TRABD2B: variants seen among roughly 807,000 people sequenced by gnomAD.
TRABD2B encodes TraB domain containing 2B.
Under a neutral mutation model 40.1 loss-of-function variants are expected in TRABD2B, and 14 were observed. The observed-to-expected ratio is 0.35, with a 90% CI of 0.23 to 0.55. The LOEUF is 0.55. TRABD2B is among the 20% of genes least tolerant of loss of function. The probability of loss-of-function intolerance (pLI) is 0.90; values close to 1 mark genes in which losing one functional copy is unlikely to be tolerated. For missense variants in TRABD2B, 541 were observed against 648.6 expected (o/e 0.83, Z 1.80); for synonymous variants, 263 against 277.0 (o/e 0.95, Z 0.50).
intron 2 of TRABD2B, among the ~76,000 whole-genome samples, chr1:47,974,945 G>A (rs1645734391): frequency 6.6e-6 from 1 of 152,178 alleles, no homozygotes; most frequent in Non-Finnish European, 1.5e-5. Context: ...CTAATTGTAA[G>A]AAAAACATCA....
At chr1:47,839,342 C>G (rs1645363172) in intron 2 of TRABD2B, among the ~76,000 whole-genome samples, 2 of 152,096 alleles carry the variant, frequency 1.3e-5, no homozygotes, top group Non-Finnish European at 2.9e-5. Flanking sequence ...GTGCTAGGAG[C>G]CTGCCCCCTC....
chr1:47,801,442 A>G (rs1644821528), intron 3 of TRABD2B, 31 bp downstream of exon 3: 1 of 1,529,326 alleles, frequency 6.5e-7, no homozygotes, highest in African/African-American at 1.4e-5. Flanking sequence ...AATAAATGCC[A>G]GGTATCCAGG....
At position 47,985,981 on chromosome 1, in the gene TRABD2B, AGAGG is replaced by A. The variant is rs542152172; in HGVS notation, c.666+8049_666+8052del. On this transcript the variant is annotated intron_variant, in intron 2 of 6. Transcript: ENST00000606738. ...GAGGCATAACTAAGGAGTATATGTG[AGAGG>A]GAGGGAGGGAGATATCATACAGCTC... Among the ~76,000 whole-genome samples the A allele has an allele frequency of 1.7e-3, 259 of 152,314 alleles. 6 individuals are homozygous for A. The South Asian group carries it at 0.02, about 12-fold the overall frequency.
chr1:47,938,851 G>A (rs768492843), intron 2 of TRABD2B, among the ~76,000 whole-genome samples: 4 of 152,206 alleles, frequency 2.6e-5, no homozygotes, highest in Non-Finnish European at 5.9e-5. Flanking sequence ...ATTTGAGATA[G>A]TTTCTTGGCA....
At chr1:47,946,215 T>C (rs976198617) in intron 2 of TRABD2B, among the ~76,000 whole-genome samples, 22 of 152,244 alleles carry the variant, frequency 1.4e-4, no homozygotes, top group African/African-American at 4.6e-4. Flanking sequence ...TCAAATCTTT[T>C]GCTTATTTAA....
At chr1:47,851,193 T>G (rs1343549009) in intron 2 of TRABD2B, among the ~76,000 whole-genome samples, 3 of 152,124 alleles carry the variant, frequency 2.0e-5, no homozygotes, top group Admixed American at 6.5e-5. Flanking sequence ...CAGGCCCCAT[T>G]CTCCTTGTTT....
chr1:47,825,817 G>A (rs1465367620), intron 2 of TRABD2B, among the ~76,000 whole-genome samples: 1 of 151,924 alleles, frequency 6.6e-6, no homozygotes, highest in Non-Finnish European at 1.5e-5. Context: ...GCAACTCCCT[G>A]AGGCTCTAAC....
intron 3 of TRABD2B, 135 bp downstream of exon 3, chr1:47,801,338 T>C (rs375836070): frequency 3.1e-6 from 3 of 974,724 alleles, no homozygotes; most frequent in East Asian, 2.7e-5. Context: ...TCTCTGAGCC[T>C]CAATTTCCCC....
intron 4 of TRABD2B, among the ~76,000 whole-genome samples, chr1:47,787,770 G>GCGCA (rs996868504): frequency 6.8e-6 from 1 of 148,120 alleles, no homozygotes; most frequent in African/African-American, 2.5e-5. Context: ...CTCAGGGTTG[G>GCGCA]TGCATTCATT....
chr1:47,897,716 C>T (rs1329588735), intron 2 of TRABD2B, among the ~76,000 whole-genome samples: 2 of 152,160 alleles, frequency 1.3e-5, no homozygotes. Context: ...TGTACACACA[C>T]ACACACATAT....
intron 2 of TRABD2B, among the ~76,000 whole-genome samples, chr1:47,943,631 G>T (rs979466889): frequency 6.6e-6 from 1 of 152,118 alleles, no homozygotes; most frequent in African/African-American, 2.4e-5. Flanking sequence ...ACTCCAGCCT[G>T]GTGTGCTGGC....
Position 47,996,329 on chromosome 1 carries a change from AAC to A in TRABD2B, c.102+357_102+358del, listed in dbSNP as rs992819341. 9.2e-5 allele frequency among the ~76,000 whole-genome samples: 14 copies of A among 152,244 alleles called. No homozygotes were observed. The highest frequency in any genetic ancestry group is 6.8e-3 in the Middle Eastern group (2 of 294). On this transcript the variant is annotated intron_variant, in intron 1 of 6. Transcript: ENST00000606738. The surrounding 1 kb of genome is among the most constrained non-coding windows in gnomAD (Gnocchi z 4.6). Reference sequence around the variant, plus strand: ...AGAGAAGGGCAAGGAACGGTAGAAAAACACAGTCAGAAGCGGGCAGAGAGACC... The same window carrying A: ...AGAGAAGGGCAAGGAACGGTAGAAAAACAGTCAGAAGCGGGCAGAGAGACC...
intron 2 of TRABD2B, among the ~76,000 whole-genome samples, chr1:47,854,278 C>T (rs1378889512): frequency 6.6e-6 from 1 of 152,180 alleles, no homozygotes; most frequent in Non-Finnish European, 1.5e-5. Flanking sequence ...GAAGGGGTTA[C>T]TAGGAAAGGT....
At chr1:47,811,264 A>AC (rs1357504573) in intron 2 of TRABD2B, among the ~76,000 whole-genome samples, 2 of 149,342 alleles carry the variant, frequency 1.3e-5, no homozygotes, top group African/African-American at 4.9e-5. Flanking sequence ...TCCCCTCACC[A>AC]CCCCCCCATC....
chr1:47,866,917 A>G (rs1644066605), intron 2 of TRABD2B, among the ~76,000 whole-genome samples: 1 of 152,214 alleles, frequency 6.6e-6, no homozygotes, highest in South Asian at 2.1e-4. Flanking sequence ...TTGATTGCAA[A>G]GCTGCAACCA....
At chr1:47,883,440 A>G (rs1644331268) in intron 2 of TRABD2B, among the ~76,000 whole-genome samples, 1 of 152,104 alleles carries the variant, frequency 6.6e-6, no homozygotes, top group African/African-American at 2.4e-5. Context: ...GCAACAAGAC[A>G]GAGACATAAC....
rs540156054 is a variant in TRABD2B, at chr1:47,838,281, G to A, written c.667-36662C>T. Among the ~76,000 whole-genome samples the A allele has an allele frequency of 1.2e-3, 188 of 152,350 alleles. 1 individual carries two copies. The highest frequency in any genetic ancestry group is 4.1e-3 in the African/African-American group (170 of 41,590). ...GGACCCAAAGGCATCTGGGCAAGAAGGCAAATGTTAATTGTCCTGCTTGGA... is the reference window on the plus strand; with the variant it reads ...GGACCCAAAGGCATCTGGGCAAGAAAGCAAATGTTAATTGTCCTGCTTGGA... On this transcript the variant is annotated intron_variant, in intron 2 of 6. Coordinates refer to ENST00000606738, the MANE Select transcript of TRABD2B (RefSeq NM_001194986.2).
At chr1:47,931,117 G>C (rs929531167) in intron 2 of TRABD2B, among the ~76,000 whole-genome samples, 1 of 152,220 alleles carries the variant, frequency 6.6e-6, no homozygotes, top group Non-Finnish European at 1.5e-5. Context: ...GCACATAGAA[G>C]AGATCAGAAC....
At chr1:47,893,859 T>C (rs1304691060) in intron 2 of TRABD2B, among the ~76,000 whole-genome samples, 2 of 152,108 alleles carry the variant, frequency 1.3e-5, no homozygotes, top group Non-Finnish European at 2.9e-5. Context: ...GGGGCCCAAC[T>C]TCTCGGGCTG....
Sources: gnomAD v4.1 joint callset for allele counts (sites outside exome capture counted in the v4.1 genomes callset) on GRCh38, gnomAD v4.1.1 for gene constraint, Gnocchi (gnomAD v3.1) non-coding constraint, MANE v1.5 for transcripts, NCBI Gene and HGNC (gene_info 2026-07-23, HGNC 2026-07-21) for gene names.